Variants in ARB2A observed in about 807,000 individuals in gnomAD.
The protein encoded by ARB2A is ARB2 cotranscriptional regulator A.
chr5:94,106,886 A>C, the ARB2A span, among the ~76,000 whole-genome samples: 12 of 151,084 alleles, frequency 7.9e-5, no homozygotes, highest in African/African-American at 2.9e-4. Flanking sequence ...AAAAAAAAAA[A>C]AAAAAACAAA....
At chr5:94,102,241 G>A in the ARB2A span, among the ~76,000 whole-genome samples, 2 of 152,016 alleles carry the variant, frequency 1.3e-5, no homozygotes, top group Admixed American at 1.3e-4. Flanking sequence ...CAAGATTCAG[G>A]AGAAAGCTGA....
At chr5:93,889,495 T>G in the ARB2A span, among the ~76,000 whole-genome samples, 2 of 151,926 alleles carry the variant, frequency 1.3e-5, no homozygotes, top group Non-Finnish European at 2.9e-5. Context: ...TTATGGTTTC[T>G]TTGTAACCTT....
chr5:93,955,133 G>A, the ARB2A span, among the ~76,000 whole-genome samples: 15 of 152,164 alleles, frequency 9.9e-5, no homozygotes, highest in East Asian at 5.8e-4. Flanking sequence ...ACTGCTCACC[G>A]GATTTTCGGT....
chr5:93,821,948 C>T, the ARB2A span, among the ~76,000 whole-genome samples: 1 of 151,310 alleles, frequency 6.6e-6, no homozygotes, highest in African/African-American at 2.4e-5. Context: ...GCCATTAATA[C>T]TTTAGAACCT....
chr5:94,087,619 A>G, the ARB2A span, among the ~76,000 whole-genome samples: 1 of 152,224 alleles, frequency 6.6e-6, no homozygotes, highest in Non-Finnish European at 1.5e-5. Flanking sequence ...AGTAGTATAC[A>G]GTAATGTCCT....
the ARB2A span, among the ~76,000 whole-genome samples, chr5:93,944,780 T>TG: frequency 6.6e-6 from 1 of 151,678 alleles, no homozygotes; most frequent in African/African-American, 2.4e-5. Context: ...GAAGAGAAAA[T>TG]GGAGGATACA....
At chr5:93,831,147 G>C in the ARB2A span, among the ~76,000 whole-genome samples, 6 of 152,034 alleles carry the variant, frequency 3.9e-5, no homozygotes, top group South Asian at 1.0e-3. Context: ...CTTGCCTGCT[G>C]CTCACCTCCT....
chr5:93,973,027 C>T, the ARB2A span, among the ~76,000 whole-genome samples: 1 of 152,080 alleles, frequency 6.6e-6, no homozygotes, highest in African/African-American at 2.4e-5. Context: ...TAGCTCACTG[C>T]AGCCTCAAAC....
chr5:93,999,279 AC>A, the ARB2A span, among the ~76,000 whole-genome samples: 2 of 151,792 alleles, frequency 1.3e-5, no homozygotes, highest in African/African-American at 2.4e-5. Context: ...TAGCAGCAAA[AC>A]CTTGGAGTAT....
chr5:93,725,152 C>T, the ARB2A span, among the ~76,000 whole-genome samples: 1 of 152,134 alleles, frequency 6.6e-6, no homozygotes, highest in South Asian at 2.1e-4. Context: ...CTGTAAGTAA[C>T]TGAACCTGTG....
chr5:93,782,705 G>T, the ARB2A span, among the ~76,000 whole-genome samples: 1 of 152,106 alleles, frequency 6.6e-6, no homozygotes, highest in Non-Finnish European at 1.5e-5. Flanking sequence ...CAACATGTTT[G>T]CAAGGTAGGT....
chr5:93,821,215 C>T, the ARB2A span, among the ~76,000 whole-genome samples: 293 of 152,004 alleles, frequency 1.9e-3, 1 homozygote, highest in Non-Finnish European at 3.3e-3. Flanking sequence ...CATGACATAA[C>T]GAAGAATGTG....
chr5:93,787,113 A>G, the ARB2A span, among the ~76,000 whole-genome samples: 1 of 152,178 alleles, frequency 6.6e-6, no homozygotes, highest in Non-Finnish European at 1.5e-5. Flanking sequence ...TGGGCATATG[A>G]ATATTTTTTT....
chr5:93,653,553 A>AAAAAAAAAC, the ARB2A span, among the ~76,000 whole-genome samples: 1 of 130,126 alleles, frequency 7.7e-6, no homozygotes, highest in Non-Finnish European at 1.6e-5. Flanking sequence ...AAAAAAAAAA[A>AAAAAAAAAC]AAAGACATTA....
At chr5:93,657,099 C>G in the ARB2A span, among the ~76,000 whole-genome samples, 1 of 152,226 alleles carries the variant, frequency 6.6e-6, no homozygotes, top group East Asian at 1.9e-4. Context: ...TCTCCAGTAT[C>G]TGTAGATCTG....
chr5:93,837,502 T>C, the ARB2A span, among the ~76,000 whole-genome samples: 1 of 152,056 alleles, frequency 6.6e-6, no homozygotes, highest in Admixed American at 6.6e-5. Context: ...CATTCCACCA[T>C]AAAAATAAAT....
chr5:94,037,737 C>T, the ARB2A span, among the ~76,000 whole-genome samples: 36 of 152,176 alleles, frequency 2.4e-4, no homozygotes, highest in African/African-American at 8.4e-4. Flanking sequence ...ATCAATTATA[C>T]ACAGAAAATC....
the ARB2A span, chr5:93,804,792 AAC>A: frequency 3.8e-6 from 2 of 528,026 alleles, no homozygotes; most frequent in Non-Finnish European, 4.9e-6. Context: ...TTTTGCCTAA[AAC>A]AAAGTATATC....
the ARB2A span, among the ~76,000 whole-genome samples, chr5:93,762,560 C>A: frequency 6.6e-6 from 1 of 152,056 alleles, no homozygotes; most frequent in Admixed American, 6.6e-5. Context: ...GTGAAAAGAC[C>A]AAATCTATGT....
Sources: gnomAD v4.1 joint callset for allele counts (sites outside exome capture counted in the v4.1 genomes callset) on GRCh38, gnomAD v4.1.1 for gene constraint, MANE v1.5 for transcripts, NCBI Gene and HGNC (gene_info 2026-07-23, HGNC 2026-07-21) for gene names.